FANCC: variants seen among roughly 807,000 people sequenced by gnomAD.
The protein encoded by FANCC is Fanconi anemia group C protein.
A neutral mutation model predicts 71.3 loss-of-function variants in FANCC; 55 were observed. The ratio of observed to expected loss-of-function variants is 0.77; its 90% confidence interval spans 0.62 to 0.97. The LOEUF is 0.97. Among genes scored for constraint, FANCC ranks in the 50% least tolerant of loss-of-function variants. The pLI is 0.00. For missense variants in FANCC, 678 were observed against 670.9 expected, an observed-to-expected ratio of 1.01 and a Z score of -0.12; for synonymous variants, 275 against 244.9, an observed-to-expected ratio of 1.12 and a Z score of -1.15.
intron 7 of FANCC, among the ~76,000 whole-genome samples, chr9:95,136,224 T>C (rs536302711): frequency 1.3e-5 from 2 of 151,922 alleles, no homozygotes; most frequent in Non-Finnish European, 2.9e-5. Context: ...GCCCTGCTTC[T>C]ACAAAAAAAA....
rs55687573 is a variant in FANCC at position 95,101,611 on chromosome 9, T to C, written c.*96A>G. 9.1e-3 allele frequency: 13,460 copies of C among 1,485,946 alleles called. 100 individuals carry two copies. Among genetic ancestry groups the C allele is most frequent in the South Asian group, 0.01 (882 of 86,402 alleles). The allele number at this position is 1,485,946 out of a possible 1,614,324, so 92.0% of individuals were successfully genotyped here. A position where few individuals can be genotyped will look rare whatever the true frequency, so the allele number is the denominator to read the frequency against. ...CATTCTCACAGCCCAGCGAGGGCAC[T>C]TACTCCACAAATGCGTGGCCACAGG... On this transcript the variant is annotated 3_prime_UTR_variant, in exon 15 of 15. Transcript: ENST00000289081.
chr9:95,153,075 A>G (rs1294837632), intron 6 of FANCC, among the ~76,000 whole-genome samples: 1 of 152,222 alleles, frequency 6.6e-6, no homozygotes, highest in Admixed American at 6.5e-5. Flanking sequence ...GTGTACTCAT[A>G]GCTTAGCTCC....
chr9:95,166,144 A>C (rs1213557566), intron 6 of FANCC, among the ~76,000 whole-genome samples: 1 of 152,066 alleles, frequency 6.6e-6, no homozygotes, highest in Non-Finnish European at 1.5e-5. Flanking sequence ...TGTAGCTAGA[A>C]TATAGTTGGA....
At chr9:95,301,175 A>AACACACACACACAC (rs146415585) in intron 1 of FANCC, among the ~76,000 whole-genome samples, 1 of 145,986 alleles carries the variant, frequency 6.8e-6, no homozygotes, top group Non-Finnish European at 1.5e-5. Context: ...TAACCATCAA[A>AACACACACACACAC]ACACACACAC....
intron 4 of FANCC, among the ~76,000 whole-genome samples, chr9:95,190,203 T>C (rs1218395735): frequency 6.6e-6 from 1 of 152,206 alleles, no homozygotes; most frequent in East Asian, 1.9e-4. Context: ...CCTGTTCAGA[T>C]GGAAGGAGTG....
intron 8 of FANCC, among the ~76,000 whole-genome samples, chr9:95,128,119 CAGTT>C (rs1426728876): frequency 6.6e-6 from 1 of 152,174 alleles, no homozygotes; most frequent in Non-Finnish European, 1.5e-5. Context: ...TTAGGCATGT[CAGTT>C]AATCTCCTGA....
intron 4 of FANCC, among the ~76,000 whole-genome samples, chr9:95,176,706 T>C (rs142903597): frequency 2.0e-5 from 3 of 152,398 alleles, no homozygotes; most frequent in East Asian, 3.9e-4. Context: ...ACTGTTATTG[T>C]ATATCACAAT....
intron 6 of FANCC, among the ~76,000 whole-genome samples, chr9:95,164,039 G>T (rs1766717682): frequency 6.6e-6 from 1 of 152,132 alleles, no homozygotes; most frequent in African/African-American, 2.4e-5. Flanking sequence ...TTGTAAGCAG[G>T]ATTGTTTTTA....
intron 4 of FANCC, among the ~76,000 whole-genome samples, chr9:95,199,786 C>G (rs1827694769): frequency 6.6e-6 from 1 of 152,170 alleles, no homozygotes; most frequent in Non-Finnish European, 1.5e-5. Context: ...TACAATGGCT[C>G]TGCTGTTTAG....
rs1470405746 is a variant in FANCC, at chr9:95,117,974, G to A, written c.997-584C>T. On this transcript the variant is annotated intron_variant, in intron 10 of 14. Coordinates refer to ENST00000289081, the MANE Select transcript of FANCC (RefSeq NM_000136.3). ...CGACCTCAGGTGATCTGGCCGCCTC[G>A]GCCTCCCAAAGTACTGGGATTACAG... Among the ~76,000 whole-genome samples the A allele has an allele frequency of 3.9e-5, 6 of 151,998 alleles. No individual in the cohort carries two copies. In the East Asian group the frequency reaches 5.8e-4, roughly 15 times the overall value.
intron 7 of FANCC, among the ~76,000 whole-genome samples, chr9:95,137,235 C>T (rs1328213638): frequency 6.6e-6 from 1 of 152,128 alleles, no homozygotes; most frequent in Non-Finnish European, 1.5e-5. Flanking sequence ...ATGGGGAGAG[C>T]AGTTCCTAGA....
chr9:95,123,838 T>C, intron 10 of FANCC: 1 of 652,518 alleles, frequency 1.5e-6, no homozygotes, highest in Non-Finnish European at 2.9e-6. Context: ...CTGCGGATGC[T>C]GCCCCACAAC....
chr9:95,163,712 G>A (rs1830889495), intron 6 of FANCC, among the ~76,000 whole-genome samples: 1 of 152,172 alleles, frequency 6.6e-6, no homozygotes, highest in Non-Finnish European at 1.5e-5. Flanking sequence ...ATCTGGGCAT[G>A]GTGGCGTGCA....
chr9:95,230,787 A>G (rs189709602), intron 4 of FANCC, among the ~76,000 whole-genome samples: 4 of 152,278 alleles, frequency 2.6e-5, no homozygotes, highest in African/African-American at 9.6e-5. Context: ...TGGGGTGGCC[A>G]GCTTTTATTC....
rs143260230 is a variant in FANCC, at chr9:95,302,389, C to T, written c.-79+15137G>A. ...ATGTGAAATTTCTGAGTGCCAACCT[C>T]GCTTCTCTTTGGGAGTGAAACAGAA... On this transcript the variant is annotated intron_variant, in intron 1 of 14. Coordinates refer to ENST00000289081, the MANE Select transcript of FANCC (RefSeq NM_000136.3). Among the ~76,000 whole-genome samples the T allele has an allele frequency of 1.3e-3, 194 of 152,280 alleles. 1 individual carries two copies. Among genetic ancestry groups the T allele is most frequent in the African/African-American group, 4.5e-3 (187 of 41,566 alleles).
rs531534994 is a variant in FANCC, at chr9:95,156,491, A to G, written c.522-6404T>C. On this transcript the variant is annotated intron_variant, in intron 6 of 14. Coordinates refer to ENST00000289081, the MANE Select transcript of FANCC (RefSeq NM_000136.3). Reference sequence around the variant, plus strand: ...TCCAGGTACTTTTCTGAATGTGTTGAGCCCTTATATATAGTTTTTAAGATA... The same window carrying G: ...TCCAGGTACTTTTCTGAATGTGTTGGGCCCTTATATATAGTTTTTAAGATA... Among the ~76,000 whole-genome samples, 4 of 152,240 alleles carry G rather than the reference A, an allele frequency of 2.6e-5. No individual in the cohort carries two copies. In the South Asian group the frequency reaches 6.2e-4, roughly 24 times the overall value.
chr9:95,168,283 A>T (rs1433775632), intron 6 of FANCC, among the ~76,000 whole-genome samples: 1 of 152,142 alleles, frequency 6.6e-6, no homozygotes, highest in East Asian at 1.9e-4. Context: ...CCTCCCAAAG[A>T]ACAGGTCATG....
chr9:95,298,819 G>C (rs1834550837), intron 1 of FANCC, among the ~76,000 whole-genome samples: 1 of 152,158 alleles, frequency 6.6e-6, no homozygotes, highest in Admixed American at 6.5e-5. Context: ...ATTTGAAGCG[G>C]ATACCATCTG....
At chr9:95,309,731 C>T (rs1257319061) in intron 1 of FANCC, among the ~76,000 whole-genome samples, 2 of 152,134 alleles carry the variant, frequency 1.3e-5, no homozygotes, top group African/African-American at 4.8e-5. Context: ...GATGTAGTAA[C>T]TTTTTTCTGA....
Sources: gnomAD v4.1 joint callset for allele counts (sites outside exome capture counted in the v4.1 genomes callset) on GRCh38, gnomAD v4.1.1 for gene constraint, MANE v1.5 for transcripts, NCBI Gene and HGNC (gene_info 2026-07-23, HGNC 2026-07-21) for gene names.